The following LHX3 variants were observed in gnomAD, a reference collection of about 807,000 sequenced individuals.
LHX3 encodes the protein LIM homeobox 3.
Under a neutral mutation model 32.4 loss-of-function variants are expected in LHX3, and 21 were observed. The observed-to-expected ratio is 0.65, with a 90% CI of 0.46 to 0.93. The LOEUF (loss-of-function observed/expected upper bound fraction) is 0.93. LHX3 is among the 40% of genes least tolerant of loss of function. LHX3 has a pLI of 0.00. For missense variants in LHX3, 626 were observed against 560.0 expected, an observed-to-expected ratio of 1.12 and a Z score of -1.19; for synonymous variants, 258 against 246.8, an observed-to-expected ratio of 1.05 and a Z score of -0.43.
At position 136,197,434 on chromosome 9, in the gene LHX3, G is replaced by A. The variant is rs1564281068; in HGVS notation, c.1085C>T (p.Ala362Val). 1 of 1,596,054 alleles carries A rather than the reference G, an allele frequency of 6.3e-7. No homozygotes were observed. The highest frequency in any genetic ancestry group is 8.5e-7 in the Non-Finnish European group (1 of 1,172,606). Residue 362 changes from alanine (A) to valine (V), a missense_variant, in exon 6 of 6, where the codon GCA becomes GTA. Physicochemically the swap from Ala to Val is moderately conservative, Grantham distance 64. Transcript: ENST00000371748. Reference protein sequence around the residue: ...PGGPPPMRVLAGNGPSSDLST... With the variant: ...PGGPPPMRVLVGNGPSSDLST... ...TAGGTCAGAACTGGGTCCGTTCCCTGCCAGCACCCTCATGGGTGGGGGCCC... is the reference window on the plus strand; with the variant it reads ...TAGGTCAGAACTGGGTCCGTTCCCTACCAGCACCCTCATGGGTGGGGGCCC...
intron 1 of LHX3, among the ~76,000 whole-genome samples, chr9:136,203,414 C>G (rs1199868785): frequency 6.6e-6 from 1 of 152,150 alleles, no homozygotes; most frequent in Non-Finnish European, 1.5e-5. Context: ...CAGCTTCCTG[C>G]GCCGGAGCGG....
chr9:136,201,192 C>T, intron 1 of LHX3: 3 of 1,344,474 alleles, frequency 2.2e-6, no homozygotes, highest in Non-Finnish European at 2.8e-6. Context: ...CATCGGGTCT[C>T]CTTCATGTTA....
intron 1 of LHX3, chr9:136,201,116 C>T (rs1305686409): frequency 8.3e-5 from 117 of 1,402,396 alleles, no homozygotes; most frequent in Non-Finnish European, 4.8e-5. Context: ...GGGGGATCTG[C>T]TCTCTGAAGC....
intron 1 of LHX3, among the ~76,000 whole-genome samples, chr9:136,204,626 G>A (rs1039875080): frequency 1.3e-5 from 2 of 152,176 alleles, no homozygotes; most frequent in Non-Finnish European, 2.9e-5. Flanking sequence ...AAGAGCTGAC[G>A]GGCACTGGTC....
At chr9:136,199,582 T>C (rs2131034210) in intron 3 of LHX3, 96 bp downstream of exon 3, 2 of 1,345,540 alleles carry the variant, frequency 1.5e-6, no homozygotes, top group Non-Finnish European at 1.1e-6. Context: ...TAGTGAGCGC[T>C]TGGGGAGAGA....
At chr9:136,201,664 C>T in intron 1 of LHX3, 7 of 989,708 alleles carry the variant, frequency 7.1e-6, no homozygotes, top group Non-Finnish European at 8.4e-6. Context: ...GGCTCCAGCC[C>T]ATCTCCCAGT....
chr9:136,201,820 G>T (rs1831645510), intron 1 of LHX3: 1 of 549,176 alleles, frequency 1.8e-6, no homozygotes, highest in Non-Finnish European at 2.3e-6. Context: ...TCGAGGACCC[G>T]CTGCGCGCCC....
chr9:136,198,749 C>G lies in LHX3; in HGVS notation c.678G>C (p.Gln226His). Reference sequence around the variant, plus strand: ...GGGAGCGCTTCATGTTGCGGAAATACTGCCCCCAGCGCTGCCGGCCGGCGT... The same window carrying G: ...GGGAGCGCTTCATGTTGCGGAAATAGTGCCCCCAGCGCTGCCGGCCGGCGT... ...KKDAGRQRWG[Q>H]YFRNMKRSRG... The change falls in exon 5 of 6, where the codon CAG becomes CAC. Residue 226 changes from glutamine (Q) to histidine (H), a missense_variant. By Grantham distance (24) the Gln-to-His change is conservative. Coordinates refer to ENST00000371748, the MANE Select transcript of LHX3 (RefSeq NM_178138.6). 6.2e-7 allele frequency: 1 copy of G among 1,611,480 alleles called. No homozygotes were observed. Among genetic ancestry groups the G allele is most frequent in the Admixed American group, 1.7e-5 (1 of 60,002 alleles).
chr9:136,202,471 G>T (rs1292310008), intron 1 of LHX3, among the ~76,000 whole-genome samples: 1 of 152,214 alleles, frequency 6.6e-6, no homozygotes, highest in Non-Finnish European at 1.5e-5. Flanking sequence ...AACCGAGCGG[G>T]TGTCTGTGGG....
chr9:136,199,796 G>A lies in LHX3; in HGVS notation c.336C>T (p.His112=), dbSNP rs866898534. The A allele has an allele frequency of 6.2e-7, 1 of 1,612,724 alleles. No homozygotes were observed. The change falls in exon 3 of 6, where the codon CAC becomes CAT. Residue 112 remains histidine, a synonymous_variant. Transcript: ENST00000371748. ...ACACGACGCAGGCAAAGCAGTGCAG[G>A]TGGTACACGAAGTCCTGGGCGCGGC... is the stretch of plus-strand genomic sequence containing the variant. The part of the protein sequence containing the change: ...VVRRAQDFVY[H]LHCFACVVCK...
At position 136,199,022 on chromosome 9, in the gene LHX3, G is replaced by T; in HGVS notation, c.492C>A (p.Ile164=). 1 of 1,586,062 alleles carries T rather than the reference G, an allele frequency of 6.3e-7. No homozygotes were observed. The highest frequency in any genetic ancestry group is 8.5e-7 in the Non-Finnish European group (1 of 1,171,286). The change falls in exon 4 of 6, where the codon ATC becomes ATA. Residue 164 remains isoleucine (I), a synonymous_variant. Coordinates refer to ENST00000371748, the MANE Select transcript of LHX3 (RefSeq NM_178138.6). ...EATAKRPRTT[I]TAKQLETLKS... is the part of the protein sequence containing the mutation. ...TCAGCGTCTCCAGCTGCTTGGCGGT[G>T]ATGGTCGTGCGCGGCCGCTTGGCCG...
intron 1 of LHX3, among the ~76,000 whole-genome samples, chr9:136,203,789 C>A (rs1831701173): frequency 6.6e-6 from 1 of 152,258 alleles, no homozygotes; most frequent in Non-Finnish European, 1.5e-5. Context: ...CCAGGGCACA[C>A]CTTCCATTTC....
Position 136,197,262 on chromosome 9 carries a change from C to T in LHX3, c.*63G>A. ...CCCACTTCCTCGGAAACCCCAGCAGCCCCGAGCCGCCCACCCAGGGGCAGC... is the reference window on the plus strand; with the variant it reads ...CCCACTTCCTCGGAAACCCCAGCAGTCCCGAGCCGCCCACCCAGGGGCAGC... On this transcript the variant is annotated 3_prime_UTR_variant, in exon 6 of 6. Transcript: ENST00000371748. 1 of 1,572,420 alleles carries T rather than the reference C, an allele frequency of 6.4e-7. No individual in the cohort carries two copies. The highest frequency in any genetic ancestry group is 8.7e-7 in the Non-Finnish European group (1 of 1,149,426).
chr9:136,200,400 C>G (rs915045482), intron 2 of LHX3, 182 bp downstream of exon 2: 39 of 676,114 alleles, frequency 5.8e-5, no homozygotes, highest in Non-Finnish European at 1.0e-4. Context: ...AGGGAGCACC[C>G]ATGGAGAGGC....
Position 136,197,194 on chromosome 9 carries a change from G to A in LHX3, c.*131C>T. ...CAGAGAGGGAGCTGTGCGGTCGGCA[G>A]TGGGAGGCTCCGAAGGCACCAGCCC... On this transcript the variant is annotated 3_prime_UTR_variant, in exon 6 of 6. Coordinates refer to ENST00000371748, the MANE Select transcript of LHX3 (RefSeq NM_178138.6). The A allele has an allele frequency of 1.0e-6, 1 of 968,824 alleles. No homozygotes were observed. Among genetic ancestry groups the A allele is most frequent in the Non-Finnish European group, 1.6e-6 (1 of 631,540 alleles). The allele number at this position is 968,824 out of a possible 1,614,324, so 60.0% of individuals were successfully genotyped here. A position where few individuals can be genotyped will look rare whatever the true frequency, so the allele number is the denominator to read the frequency against.
rs192431317 is a variant in LHX3, at chr9:136,203,710, G to A, written c.79+1224C>T. Reference sequence around the variant, plus strand: ...CAGGGAGGAAGGGCAATCCTTGAGAGAGAACAGGCTCTGTGTCCTGGACAC... The same window carrying A: ...CAGGGAGGAAGGGCAATCCTTGAGAAAGAACAGGCTCTGTGTCCTGGACAC... On this transcript the variant is annotated intron_variant, in intron 1 of 5. Coordinates refer to ENST00000371748, the MANE Select transcript of LHX3 (RefSeq NM_178138.6). Among the ~76,000 whole-genome samples, 505 of 152,360 alleles carry A rather than the reference G, an allele frequency of 3.3e-3. 1 individual carries two copies. Among genetic ancestry groups the A allele is most frequent in the Non-Finnish European group, 5.3e-3 (361 of 68,022 alleles).
In LHX3 at chr9:136,201,245, C is replaced by G; in HGVS notation, c.80-492G>C. The G allele has an allele frequency of 1.4e-5, 18 of 1,268,894 alleles. No individual in the cohort carries two copies. The Admixed American group carries it at 2.3e-4, about 16-fold the overall frequency. The allele number at this position is 1,268,894 out of a possible 1,614,324, so 78.6% of individuals were successfully genotyped here. A position where few individuals can be genotyped will look rare whatever the true frequency, so the allele number is the denominator to read the frequency against. ...TTCTAGGGACTCCTCGCAAATGTGGCTGCCCTGCCTGGTGGCCCTGTCTGC... is the reference window on the plus strand; with the variant it reads ...TTCTAGGGACTCCTCGCAAATGTGGGTGCCCTGCCTGGTGGCCCTGTCTGC... On this transcript the variant is annotated intron_variant, in intron 1 of 5. Transcript: ENST00000371748.
Position 136,197,680 on chromosome 9 carries a change from G to T in LHX3, c.839C>A (p.Thr280Asn). The change falls in exon 6 of 6, where the codon ACC (threonine) becomes AAC (asparagine). Residue 280 changes from threonine (T) to asparagine (N), a missense_variant. Physicochemically the swap from Thr to Asn is moderately conservative, Grantham distance 65. Coordinates refer to ENST00000371748, the MANE Select transcript of LHX3 (RefSeq NM_178138.6). ...NGLYGSLGEP[T>N]QALGRPSGAL... is the part of the protein sequence containing the mutation. ...TCCCGAGGGCCGGCCCAAGGCCTGG[G>T]TGGGTTCCCCCAAGCTCCCGTAGAG... 1 of 1,606,798 alleles carries T rather than the reference G, an allele frequency of 6.2e-7. No individual in the cohort carries two copies. The highest frequency in any genetic ancestry group is 8.5e-7 in the Non-Finnish European group (1 of 1,179,256).
chr9:136,200,015 G>A, intron 2 of LHX3, 135 bp from the exon 3 acceptor site: 1 of 901,510 alleles, frequency 1.1e-6, no homozygotes, highest in Non-Finnish European at 1.7e-6. Flanking sequence ...CAGGGTGGTC[G>A]CCAGCCTGGC....
Sources: allele counts gnomAD v4.1 joint callset (sites outside exome capture counted in the v4.1 genomes callset), GRCh38; gene constraint gnomAD v4.1.1; transcripts MANE v1.5; gene names NCBI Gene and HGNC (gene_info 2026-07-23, HGNC 2026-07-21).